Variants in ATXN1 observed in about 807,000 individuals in gnomAD.
The protein encoded by ATXN1 is ataxin-1.
A neutral mutation model predicts 56.4 loss-of-function variants in ATXN1; 8 were observed. The observed-to-expected ratio is 0.14, with a 90% CI of 0.08 to 0.26. The LOEUF (loss-of-function observed/expected upper bound fraction) is 0.26. Ranked by LOEUF, ATXN1 falls within the 10% of genes least tolerant of loss-of-function variation. The pLI is 1.00. For synonymous variants in ATXN1, 514 were observed against 494.6 expected, an observed-to-expected ratio of 1.04 and a Z score of -0.52; for missense variants, 987 against 1,106.5, an observed-to-expected ratio of 0.89 and a Z score of 1.53.
intron 6 of ATXN1, among the ~76,000 whole-genome samples, chr6:16,337,682 T>G (rs1017680219): frequency 6.6e-6 from 1 of 152,238 alleles, no homozygotes; most frequent in African/African-American, 2.4e-5. Flanking sequence ...CATTCCAGGT[T>G]AGCTACCCGG....
intron 7 of ATXN1, among the ~76,000 whole-genome samples, chr6:16,319,770 C>T (rs1214795844): frequency 6.6e-6 from 1 of 151,822 alleles, no homozygotes; most frequent in Non-Finnish European, 1.5e-5. Context: ...CTATAAACAA[C>T]AACAGTCTGA....
chr6:16,511,562 G>A (rs1761082021), intron 5 of ATXN1, among the ~76,000 whole-genome samples: 1 of 152,080 alleles, frequency 6.6e-6, no homozygotes, highest in Non-Finnish European at 1.5e-5. Context: ...GAATAACAGA[G>A]GTCTTTTCTC....
chr6:16,758,046 T>C (rs1320355563), intron 1 of ATXN1, among the ~76,000 whole-genome samples: 3 of 152,204 alleles, frequency 2.0e-5, no homozygotes, highest in Non-Finnish European at 4.4e-5. Flanking sequence ...AAAAAAATCC[T>C]TTTAACTTAC....
In ATXN1 at chr6:16,760,402, C is replaced by G. The variant is rs565087980; in HGVS notation, c.-730+896G>C. Among the ~76,000 whole-genome samples, 56 of 151,726 alleles carry G rather than the reference C, an allele frequency of 3.7e-4. No individual in the cohort carries two copies. In the South Asian group the frequency reaches 7.2e-3, roughly 20 times the overall value. On this transcript the variant is annotated intron_variant, in intron 1 of 7. Coordinates refer to ENST00000436367, the MANE Select transcript of ATXN1 (RefSeq NM_001128164.2). The surrounding 1 kb of genome is among the most constrained non-coding windows in gnomAD (Gnocchi z 5.3). ...CGGCCCGGACTGGGGCGCTCGCGGG[C>G]TCCCGGCTCCGGGCGGCGGCTGCCG...
intron 6 of ATXN1, among the ~76,000 whole-genome samples, chr6:16,362,787 T>C (rs1440499718): frequency 6.6e-6 from 1 of 152,178 alleles, no homozygotes; most frequent in East Asian, 1.9e-4. Flanking sequence ...AGGTTTACAT[T>C]TCAGCACTAA....
At chr6:16,417,728 A>G (rs1758943253) in intron 6 of ATXN1, among the ~76,000 whole-genome samples, 1 of 151,886 alleles carries the variant, frequency 6.6e-6, no homozygotes, top group South Asian at 2.1e-4. Context: ...GTGAGCCACC[A>G]CACGTGGCCA....
intron 3 of ATXN1, among the ~76,000 whole-genome samples, chr6:16,621,365 T>C (rs1763316818): frequency 6.6e-6 from 1 of 152,214 alleles, no homozygotes; most frequent in Non-Finnish European, 1.5e-5. Context: ...AAAGTCTTTG[T>C]ATATGCAAAA....
chr6:16,752,084 T>C (rs1274288370), intron 2 of ATXN1, among the ~76,000 whole-genome samples: 1 of 152,224 alleles, frequency 6.6e-6, no homozygotes, highest in Non-Finnish European at 1.5e-5. Flanking sequence ...AGAATTTATA[T>C]GTAACTTAAA....
At chr6:16,711,001 G>C (rs1341780377) in intron 2 of ATXN1, among the ~76,000 whole-genome samples, 1 of 152,140 alleles carries the variant, frequency 6.6e-6, no homozygotes, top group Non-Finnish European at 1.5e-5. Context: ...TCCCACCTCA[G>C]CCTCCCAAGG....
intron 6 of ATXN1, among the ~76,000 whole-genome samples, chr6:16,361,877 C>A (rs150664391): frequency 2.3e-3 from 355 of 152,304 alleles, no homozygotes; most frequent in African/African-American, 7.9e-3. Flanking sequence ...AGGAATCATT[C>A]TCTGAAAATG....
intron 6 of ATXN1, among the ~76,000 whole-genome samples, chr6:16,381,342 C>A (rs925598658): frequency 1.7e-4 from 26 of 152,102 alleles, no homozygotes; most frequent in African/African-American, 6.3e-4. Flanking sequence ...TCTGTGAGGA[C>A]TGGAGTGACA....
intron 4 of ATXN1, among the ~76,000 whole-genome samples, chr6:16,543,933 A>G (rs1341827755): frequency 2.6e-5 from 4 of 152,192 alleles, no homozygotes; most frequent in African/African-American, 9.7e-5. Flanking sequence ...GCATGGGAAA[A>G]CATAACAAAA....
intron 2 of ATXN1, among the ~76,000 whole-genome samples, chr6:16,660,311 G>A (rs1012060234): frequency 1.3e-5 from 2 of 152,186 alleles, no homozygotes; most frequent in Non-Finnish European, 2.9e-5. Context: ...AAGCACAGGG[G>A]CCTAGGGCAT....
chr6:16,402,719 C>G (rs1430980915), intron 6 of ATXN1, among the ~76,000 whole-genome samples: 1 of 152,184 alleles, frequency 6.6e-6, no homozygotes, highest in Non-Finnish European at 1.5e-5. Context: ...CTGACATTAA[C>G]CAGGAGCAGA....
intron 2 of ATXN1, among the ~76,000 whole-genome samples, chr6:16,682,722 G>C (rs1222543386): frequency 1.3e-5 from 2 of 152,128 alleles, no homozygotes; most frequent in African/African-American, 4.8e-5. Flanking sequence ...AAACCTCCCA[G>C]CAGGAAAACA....
intron 2 of ATXN1, among the ~76,000 whole-genome samples, chr6:16,662,099 C>T (rs2113367710): frequency 6.6e-6 from 1 of 152,280 alleles, no homozygotes; most frequent in South Asian, 2.1e-4. Flanking sequence ...AGAAACTGAG[C>T]CCCAAAGAAG....
chr6:16,518,164 G>A (rs1440595367), intron 5 of ATXN1, among the ~76,000 whole-genome samples: 3 of 152,146 alleles, frequency 2.0e-5, no homozygotes, highest in African/African-American at 7.2e-5. Context: ...GGGGCGGGTA[G>A]GCCTGATGGG....
chr6:16,628,327 C>T (rs561352213), intron 3 of ATXN1, among the ~76,000 whole-genome samples: 3 of 152,322 alleles, frequency 2.0e-5, no homozygotes, highest in East Asian at 1.9e-4. Flanking sequence ...GGGATATCCA[C>T]GTGCCCTCAT....
At chr6:16,337,726 G>A (rs1022153797) in intron 6 of ATXN1, among the ~76,000 whole-genome samples, 4 of 152,240 alleles carry the variant, frequency 2.6e-5, no homozygotes, top group East Asian at 1.9e-4. Flanking sequence ...CACCACTCTG[G>A]TTGAAGGCTG....
Sources: allele counts gnomAD v4.1 joint callset (sites outside exome capture counted in the v4.1 genomes callset), GRCh38; gene constraint gnomAD v4.1.1; non-coding constraint Gnocchi (gnomAD v3.1); transcripts MANE v1.5; gene names NCBI Gene and HGNC (gene_info 2026-07-23, HGNC 2026-07-21).